Variants in COL22A1 observed in about 807,000 individuals in gnomAD.
The protein encoded by COL22A1 is collagen type XXII alpha 1 chain.
In COL22A1, 221 loss-of-function variants were observed where a neutral mutation model predicts 248.9. That is an observed-to-expected ratio of 0.89 (90% CI 0.80 to 0.99). The LOEUF is 0.99. Ranked by LOEUF, COL22A1 falls within the 50% of genes least tolerant of loss-of-function variation. The pLI is 0.00. For synonymous variants in COL22A1, 891 were observed against 793.4 expected (o/e 1.12, Z -2.07); for missense variants, 2,240 against 2,179.0 (o/e 1.03, Z -0.56).
intron 62 of COL22A1, among the ~76,000 whole-genome samples, chr8:138,596,604 T>C (rs566123775): frequency 6.6e-6 from 1 of 152,364 alleles, no homozygotes; most frequent in South Asian, 2.1e-4. Flanking sequence ...CTTTACAGAC[T>C]AGATAAATGG....
chr8:138,722,271 C>T, intron 25 of COL22A1, 182 bp from the exon 26 acceptor site: 1 of 593,116 alleles, frequency 1.7e-6, no homozygotes, highest in Non-Finnish European at 3.1e-6. Flanking sequence ...CCACATTTCC[C>T]TTTGTTACTA....
Position 138,877,808 on chromosome 8 carries a change from C to G in COL22A1, c.600G>C (p.Val200=). Residue 200 remains valine, a synonymous_variant, in exon 3 of 65, where the codon GTG becomes GTC. Transcript: ENST00000303045. ...SEPKSAHVFH[V]SDFNAIDKIR... ...TCTTGTCGATGGCATTGAAGTCGGACACGTGGAAGACGTGGGCGGACTTGG... is the reference window on the plus strand; with the variant it reads ...TCTTGTCGATGGCATTGAAGTCGGAGACGTGGAAGACGTGGGCGGACTTGG... The G allele has an allele frequency of 6.2e-7, 1 of 1,611,002 alleles. No individual in the cohort carries two copies. The highest frequency in any genetic ancestry group is 8.5e-7 in the Non-Finnish European group (1 of 1,178,488).
intron 51 of COL22A1, among the ~76,000 whole-genome samples, chr8:138,624,479 G>C (rs1044788194): frequency 6.6e-6 from 1 of 152,096 alleles, no homozygotes; most frequent in Non-Finnish European, 1.5e-5. Flanking sequence ...GAAAGGAGGA[G>C]GGAGGAAGGA....
chr8:138,881,726 C>T (rs1308295286), intron 2 of COL22A1, among the ~76,000 whole-genome samples: 2 of 152,208 alleles, frequency 1.3e-5, no homozygotes, highest in African/African-American at 4.8e-5. Flanking sequence ...ATAAGATGGG[C>T]TCAGCGTTTT....
At chr8:138,773,713 T>C (rs1248184180) in intron 16 of COL22A1, among the ~76,000 whole-genome samples, 6 of 152,182 alleles carry the variant, frequency 3.9e-5, no homozygotes, top group African/African-American at 1.4e-4. Context: ...CTGTGGGTGC[T>C]GAGGGAAGAC....
At chr8:138,647,294 C>T (rs1009178455) in intron 46 of COL22A1, among the ~76,000 whole-genome samples, 1 of 152,154 alleles carries the variant, frequency 6.6e-6, no homozygotes, top group Non-Finnish European at 1.5e-5. Context: ...CAGCTCAGGG[C>T]TTGAGGGTTG....
At chr8:138,874,301 T>A (rs1344075669) in intron 3 of COL22A1, among the ~76,000 whole-genome samples, 1 of 152,214 alleles carries the variant, frequency 6.6e-6, no homozygotes, top group African/African-American at 2.4e-5. Flanking sequence ...CATGAGCTTT[T>A]CTTGACGTGA....
At chr8:138,886,979 G>A (rs897959992) in intron 1 of COL22A1, among the ~76,000 whole-genome samples, 5 of 152,072 alleles carry the variant, frequency 3.3e-5, no homozygotes, top group Admixed American at 6.5e-5. Flanking sequence ...TGTTTTGATA[G>A]AGGCATGCAA....
Position 138,844,175 on chromosome 8 carries a change from G to A in COL22A1, c.659-17C>T. 6.2e-7 allele frequency: 1 copy of A among 1,612,812 alleles called. No homozygotes were observed. The highest frequency in any genetic ancestry group is 1.7e-4 in the Middle Eastern group (1 of 6,046). ...AGAGCACATCTGAGGAAAGCAAGAG[G>A]AAACAGAGACTGATGAGAAAATGTG... On this transcript the variant is annotated splice_polypyrimidine_tract_variant and intron_variant, in intron 3 of 64. Coordinates refer to ENST00000303045, the MANE Select transcript of COL22A1 (RefSeq NM_152888.3).
intron 12 of COL22A1, among the ~76,000 whole-genome samples, chr8:138,792,436 G>T (rs1816145650): frequency 1.3e-5 from 2 of 152,170 alleles, no homozygotes; most frequent in Non-Finnish European, 2.9e-5. Flanking sequence ...TCTGTCTCAG[G>T]GTCACCTTCA....
At chr8:138,676,240 CA>C (rs1439463306) in intron 41 of COL22A1, among the ~76,000 whole-genome samples, 1 of 151,328 alleles carries the variant, frequency 6.6e-6, no homozygotes, top group Non-Finnish European at 1.5e-5. Flanking sequence ...ACTAAAAATA[CA>C]AAAAATTAGC....
At chr8:138,673,305 G>A (rs1167185274) in intron 41 of COL22A1, among the ~76,000 whole-genome samples, 1 of 151,830 alleles carries the variant, frequency 6.6e-6, no homozygotes, top group Non-Finnish European at 1.5e-5. Flanking sequence ...CACCTCCCAG[G>A]TTCAAGCAAT....
intron 62 of COL22A1, among the ~76,000 whole-genome samples, chr8:138,594,479 C>T (rs967545600): frequency 2.6e-5 from 4 of 152,194 alleles, no homozygotes; most frequent in Admixed American, 6.5e-5. Context: ...ACCATCGCTG[C>T]CCCTGGAGCA....
chr8:138,591,855 A>G (rs536555692), intron 63 of COL22A1, among the ~76,000 whole-genome samples: 1 of 152,362 alleles, frequency 6.6e-6, no homozygotes, highest in South Asian at 2.1e-4. Flanking sequence ...CTGTATACAT[A>G]CACTCATATT....
rs138899950 is a variant in COL22A1, at chr8:138,721,662, T to C, written c.2301+374A>G. On this transcript the variant is annotated intron_variant, in intron 26 of 64. Transcript: ENST00000303045. ...AGGCTATAGTGCAATGGCACAATCATAGCTCACTGCAGCCTCAAATTCCTG... is the reference window on the plus strand; with the variant it reads ...AGGCTATAGTGCAATGGCACAATCACAGCTCACTGCAGCCTCAAATTCCTG... 7.0e-3 allele frequency among the ~76,000 whole-genome samples: 1,069 copies of C among 152,340 alleles called. 14 individuals are homozygous for C. Among genetic ancestry groups the C allele is most frequent in the African/African-American group, 0.024 (1,017 of 41,582 alleles).
rs932222376 is a variant in COL22A1, at chr8:138,753,238, G to A, written c.2032-1727C>T. On this transcript the variant is annotated intron_variant, in intron 21 of 64. Coordinates refer to ENST00000303045, the MANE Select transcript of COL22A1 (RefSeq NM_152888.3). ...CTGCCGCAGGGCTAGCTCTACAAGCGTGTGTTAAGTTCCCACCATGTGATA... is the reference window on the plus strand; with the variant it reads ...CTGCCGCAGGGCTAGCTCTACAAGCATGTGTTAAGTTCCCACCATGTGATA... Among the ~76,000 whole-genome samples, 12 of 152,202 alleles carry A rather than the reference G, an allele frequency of 7.9e-5. 1 individual carries two copies. Among genetic ancestry groups the A allele is most frequent in the Admixed American group, 3.3e-4 (5 of 15,286 alleles).
At chr8:138,867,763 A>AT (rs1406229854) in intron 3 of COL22A1, among the ~76,000 whole-genome samples, 1 of 151,946 alleles carries the variant, frequency 6.6e-6, no homozygotes, top group Non-Finnish European at 1.5e-5. Context: ...GTATTTATTT[A>AT]TTGTTTGTTT....
At chr8:138,689,037 C>T (rs1826600291) in intron 36 of COL22A1, 67 bp from the exon 37 acceptor site, 2 of 1,314,224 alleles carry the variant, frequency 1.5e-6, no homozygotes, top group African/African-American at 1.4e-5. Context: ...TGGCTCGTGA[C>T]CCCCAGGGAA....
chr8:138,626,079 A>C (rs1479697357), intron 51 of COL22A1, 111 bp downstream of exon 51: 2 of 791,820 alleles, frequency 2.5e-6, no homozygotes, highest in African/African-American at 3.6e-5. Flanking sequence ...CAACACTCAA[A>C]ATTCTAGTGG....
Sources: allele counts gnomAD v4.1 joint callset (sites outside exome capture counted in the v4.1 genomes callset), GRCh38; gene constraint gnomAD v4.1.1; transcripts MANE v1.5; gene names NCBI Gene and HGNC (gene_info 2026-07-23, HGNC 2026-07-21).